The following LINGO2 variants were observed in gnomAD, a reference collection of about 807,000 sequenced individuals.
LINGO2 encodes leucine-rich repeat and immunoglobulin-like domain-containing nogo receptor-interacting protein 2.
A neutral mutation model predicts 30.6 loss-of-function variants in LINGO2; 14 were observed. The ratio of observed to expected loss-of-function variants is 0.46; its 90% CI spans 0.30 to 0.72. LINGO2 has a LOEUF of 0.72. Among genes scored for constraint, LINGO2 ranks in the 30% least tolerant of loss-of-function variants. LINGO2 has a pLI of 0.07. For synonymous variants in LINGO2, 317 were observed against 288.5 expected (o/e 1.10, Z -1.00); for missense variants, 729 against 751.7 (o/e 0.97, Z 0.35).
intron 3 of LINGO2, among the ~76,000 whole-genome samples, chr9:28,355,221 T>C (rs1587528538): frequency 1.3e-5 from 2 of 151,200 alleles, no homozygotes; most frequent in South Asian, 2.1e-4. Flanking sequence ...CTCAAAACCG[T>C]AATCTGTCTC....
chr9:28,214,216 C>T (rs1234136776), intron 4 of LINGO2, among the ~76,000 whole-genome samples: 1 of 151,500 alleles, frequency 6.6e-6, no homozygotes, highest in African/African-American at 2.4e-5. Flanking sequence ...TTTATACTTT[C>T]ATGCAGAAAA....
At chr9:28,393,491 CAAATCAATG>C (rs930651580) in intron 2 of LINGO2, among the ~76,000 whole-genome samples, 3 of 152,216 alleles carry the variant, frequency 2.0e-5, no homozygotes, top group African/African-American at 7.2e-5. Context: ...TGCTGGTTGC[CAAATCAATG>C]AAAACTTCAA....
chr9:28,642,704 T>C (rs10121436), intron 1 of LINGO2, among the ~76,000 whole-genome samples: 16,214 of 152,120 alleles, frequency 0.11, 992 homozygotes, highest in African/African-American at 0.15. Flanking sequence ...GCATAAGATA[T>C]GACAAGTGGC....
chr9:28,982,283 A>G, the LINGO2 span, among the ~76,000 whole-genome samples: 25 of 152,116 alleles, frequency 1.6e-4, no homozygotes, highest in Non-Finnish European at 3.2e-4. Context: ...ATTAAACTAA[A>G]ATAAACCATC....
chr9:28,526,558 C>T (rs751339935), intron 1 of LINGO2, among the ~76,000 whole-genome samples: 14 of 152,162 alleles, frequency 9.2e-5, no homozygotes, highest in South Asian at 4.1e-4. Flanking sequence ...AACTTGTACA[C>T]GAATGTTCAC....
chr9:28,520,188 A>G (rs1428006387), intron 1 of LINGO2, among the ~76,000 whole-genome samples: 3 of 152,060 alleles, frequency 2.0e-5, no homozygotes, highest in Admixed American at 1.3e-4. Flanking sequence ...ATTAGCTACA[A>G]TCTTCAGTAG....
chr9:28,533,346 C>T (rs1305781899), intron 1 of LINGO2, among the ~76,000 whole-genome samples: 4 of 152,062 alleles, frequency 2.6e-5, no homozygotes, highest in Admixed American at 2.0e-4. Flanking sequence ...GGGACTCAGA[C>T]GGGCTTCCTG....
At chr9:28,175,672 A>G (rs1038175485) in intron 4 of LINGO2, among the ~76,000 whole-genome samples, 4 of 152,336 alleles carry the variant, frequency 2.6e-5, no homozygotes, top group African/African-American at 9.6e-5. Context: ...CTGGGACCCT[A>G]TCCAGGAATA....
intron 4 of LINGO2, among the ~76,000 whole-genome samples, chr9:28,122,759 T>C (rs996134750): frequency 1.8e-4 from 27 of 152,196 alleles, no homozygotes; most frequent in Non-Finnish European, 2.9e-5. Flanking sequence ...CCACAAGTTA[T>C]GTTTTTCAAT....
intron 5 of LINGO2, among the ~76,000 whole-genome samples, chr9:27,964,015 G>A (rs1209013691): frequency 6.6e-6 from 1 of 152,060 alleles, no homozygotes; most frequent in Non-Finnish European, 1.5e-5. Flanking sequence ...GACCTGGCAG[G>A]AAACATTGGA....
At chr9:28,693,586 C>T in the LINGO2 span, among the ~76,000 whole-genome samples, 1 of 152,216 alleles carries the variant, frequency 6.6e-6, no homozygotes, top group East Asian at 1.9e-4. Context: ...GGCTTAGTCC[C>T]ATTCAAGTGT....
At chr9:28,060,515 C>T (rs1008582242) in intron 4 of LINGO2, among the ~76,000 whole-genome samples, 2 of 152,106 alleles carry the variant, frequency 1.3e-5, no homozygotes, top group African/African-American at 2.4e-5. Context: ...AAAGTCAAAG[C>T]AACACGCTAA....
the LINGO2 span, among the ~76,000 whole-genome samples, chr9:29,121,590 T>C: frequency 1.3e-5 from 2 of 151,862 alleles, no homozygotes; most frequent in Non-Finnish European, 2.9e-5. Flanking sequence ...CTTAAAAATA[T>C]TAGAGAAAAA....
chr9:28,030,985 A>G (rs1823639526), intron 4 of LINGO2, among the ~76,000 whole-genome samples: 1 of 152,168 alleles, frequency 6.6e-6, no homozygotes, highest in African/African-American at 2.4e-5. Flanking sequence ...GATGAGAGAG[A>G]GAGATTTCCT....
At chr9:28,910,657 T>G in the LINGO2 span, among the ~76,000 whole-genome samples, 195 of 152,190 alleles carry the variant, frequency 1.3e-3, 1 homozygote, top group Middle Eastern at 3.4e-3. Context: ...TGTGAAGATG[T>G]GCTTGCTTCT....
intron 1 of LINGO2, among the ~76,000 whole-genome samples, chr9:28,567,770 C>A: frequency 6.6e-6 from 1 of 151,286 alleles, no homozygotes; most frequent in Non-Finnish European, 1.5e-5. Flanking sequence ...ATGGAACGAA[C>A]CTGCACATGT....
At chr9:28,704,169 T>A in the LINGO2 span, among the ~76,000 whole-genome samples, 987 of 152,224 alleles carry the variant, frequency 6.5e-3, 25 homozygotes, top group Admixed American at 0.035. Flanking sequence ...CTAAGAAATC[T>A]TCCTTTTATC....
intron 4 of LINGO2, among the ~76,000 whole-genome samples, chr9:28,051,354 T>G (rs1337009233): frequency 6.6e-6 from 1 of 152,114 alleles, no homozygotes; most frequent in East Asian, 1.9e-4. Context: ...TAACAGCATT[T>G]TACATTCTTA....
intron 1 of LINGO2, among the ~76,000 whole-genome samples, chr9:28,622,325 T>C (rs1826438010): frequency 6.6e-6 from 1 of 152,000 alleles, no homozygotes; most frequent in Non-Finnish European, 1.5e-5. Context: ...CAGCCTCTGG[T>C]AACCATCCTT....
Sources: allele counts gnomAD v4.1 joint callset (sites outside exome capture counted in the v4.1 genomes callset), GRCh38; gene constraint gnomAD v4.1.1; transcripts MANE v1.5; gene names NCBI Gene and HGNC (gene_info 2026-07-23, HGNC 2026-07-21).